The following SYNCRIP variants were observed in gnomAD, a reference collection of about 807,000 sequenced individuals.
The protein encoded by SYNCRIP is heterogeneous nuclear ribonucleoprotein Q.
Under a neutral mutation model 68.9 loss-of-function variants are expected in SYNCRIP, and 9 were observed. The observed-to-expected ratio is 0.13, with a 90% confidence interval of 0.08 to 0.23. The LOEUF (loss-of-function observed/expected upper bound fraction) is 0.23. SYNCRIP is among the 10% of genes least tolerant of loss of function. The pLI is 1.00. For missense variants in SYNCRIP, 414 were observed against 770.6 expected (o/e 0.54, Z 5.48); for synonymous variants, 258 against 254.0 (o/e 1.02, Z -0.15).
At position 85,640,323 on chromosome 6, in the gene SYNCRIP, T is replaced by C. The variant is rs1291906153; in HGVS notation, c.273A>G (p.Lys91=). ...KDSDLSHVQN[K]SAFLCGVMKT... ...TCATGACTCCACATAAAAAGGCACT[T>C]TTGTTCTGCAAAAAAATGTTCCATT... Residue 91 remains lysine, a synonymous_variant, in exon 4 of 11, where the codon AAA becomes AAG. Coordinates refer to ENST00000369622, the MANE Select transcript of SYNCRIP (RefSeq NM_006372.5). 2 of 1,612,696 alleles carry C rather than the reference T, an allele frequency of 1.2e-6. No homozygotes were observed. The highest frequency in any genetic ancestry group is 2.7e-5 in the African/African-American group (2 of 74,852).
chr6:85,626,070 T>C (rs1483474188), intron 6 of SYNCRIP, among the ~76,000 whole-genome samples: 1 of 152,242 alleles, frequency 6.6e-6, no homozygotes, highest in Non-Finnish European at 1.5e-5. Context: ...CCATATACTT[T>C]GTTTTCTCAT....
Position 85,614,617 on chromosome 6 carries a change from G to C in SYNCRIP, c.*139C>G, listed in dbSNP as rs1054043777. On this transcript the variant is annotated 3_prime_UTR_variant, in exon 11 of 11. Transcript: ENST00000369622. ...AGCAGTTAGAAGTGTGGCTTTGTTC[G>C]TGTCCAAGCGGATTGTTAAAATATA... 2.3e-6 allele frequency: 3 copies of C among 1,316,812 alleles called. No individual in the cohort carries two copies. The highest frequency in any genetic ancestry group is 3.7e-5 in the Admixed American group (1 of 26,880). 81.6% of individuals were successfully genotyped at this position (1,316,812 alleles called of 1,614,324 possible).
intron 6 of SYNCRIP, among the ~76,000 whole-genome samples, chr6:85,630,352 C>A (rs1477458963): frequency 1.3e-5 from 2 of 152,156 alleles, no homozygotes; most frequent in Admixed American, 6.5e-5. Flanking sequence ...CAGAGCGAGA[C>A]TCCATCTCAA....
chr6:85,614,598 TAG>T lies in SYNCRIP; in HGVS notation c.*156_*157del. On this transcript the variant is annotated 3_prime_UTR_variant, in exon 11 of 11. Coordinates refer to ENST00000369622, the MANE Select transcript of SYNCRIP (RefSeq NM_006372.5). ...ATAAAATCAGTTCGCCAGAAGCAGTTAGAAGTGTGGCTTTGTTCGTGTCCAAG... is the reference window on the plus strand; with the variant it reads ...ATAAAATCAGTTCGCCAGAAGCAGTTAAGTGTGGCTTTGTTCGTGTCCAAG... The T allele has an allele frequency of 7.7e-7, 1 of 1,304,804 alleles. No individual in the cohort carries two copies. Among genetic ancestry groups the T allele is most frequent in the Non-Finnish European group, 9.7e-7 (1 of 1,027,636 alleles). 80.8% of individuals were successfully genotyped at this position (1,304,804 alleles called of 1,614,324 possible). A position where few individuals can be genotyped will look rare whatever the true frequency, so the allele number is the denominator to read the frequency against.
chr6:85,619,408 G>A lies in SYNCRIP; in HGVS notation c.1018C>T (p.Leu340=). The change falls in exon 9 of 11, where the codon CTG becomes TTG. Residue 340 remains leucine, a synonymous_variant. Transcript: ENST00000369622. ...GTATTGGCAAGGTTGCGTACAAACA[G>A]CACTTTTACCTAGGGGGAAGAAAAT... is the stretch of plus-strand genomic sequence containing the variant. ...DPEVMAKVKV[L]FVRNLANTVT... 1 of 1,611,644 alleles carries A rather than the reference G, an allele frequency of 6.2e-7. No individual in the cohort carries two copies. The highest frequency in any genetic ancestry group is 8.5e-7 in the Non-Finnish European group (1 of 1,179,554).
chr6:85,627,424 A>G (rs1807186266), intron 6 of SYNCRIP, among the ~76,000 whole-genome samples: 1 of 152,128 alleles, frequency 6.6e-6, no homozygotes, highest in South Asian at 2.1e-4. Context: ...ACATTTCCGG[A>G]AGCAACACCC....
At chr6:85,632,321 G>A (rs1258717101) in intron 6 of SYNCRIP, among the ~76,000 whole-genome samples, 2 of 152,188 alleles carry the variant, frequency 1.3e-5, no homozygotes, top group African/African-American at 4.8e-5. Flanking sequence ...AAGGAGGCAT[G>A]AGGCACTTTC....
chr6:85,620,921 T>A (rs1806308799), intron 8 of SYNCRIP, among the ~76,000 whole-genome samples: 1 of 151,976 alleles, frequency 6.6e-6, no homozygotes, highest in Admixed American at 6.6e-5. Context: ...TCTAAGAGAG[T>A]TATTGAATGT....
Position 85,614,102 on chromosome 6 carries a change from A to T in SYNCRIP, c.*654T>A. The T allele has an allele frequency of 1.0e-6, 1 of 985,924 alleles. No individual in the cohort carries two copies. The highest frequency in any genetic ancestry group is 1.2e-6 in the Non-Finnish European group (1 of 829,944). 61.1% of individuals were successfully genotyped at this position (985,924 alleles called of 1,614,324 possible). ...GTAATGTGCAGACATATTCCACACA[A>T]GAATTAACAAGGCACAAAACCCTTT... On this transcript the variant is annotated 3_prime_UTR_variant, in exon 11 of 11. Coordinates refer to ENST00000369622, the MANE Select transcript of SYNCRIP (RefSeq NM_006372.5).
downstream of SYNCRIP, chr6:85,611,252 A>G (rs1805215600): frequency 6.6e-6 from 1 of 152,340 alleles, no homozygotes; most frequent in African/African-American, 2.4e-5. Flanking sequence ...ACTAACACAC[A>G]TTTATATTAA....
intron 6 of SYNCRIP, among the ~76,000 whole-genome samples, chr6:85,630,111 C>T (rs1807556475): frequency 6.6e-6 from 1 of 152,106 alleles, no homozygotes; most frequent in Non-Finnish European, 1.5e-5. Context: ...TCTGTAATCC[C>T]AGCACTTTGG....
chr6:85,610,576 TCTTA>T (rs1446209108), downstream of SYNCRIP: 2 of 152,034 alleles, frequency 1.3e-5, no homozygotes, highest in African/African-American at 2.4e-5. Flanking sequence ...ACAATGCAGT[TCTTA>T]CTTTAAGTAA....
rs112446070 is a variant in SYNCRIP, at chr6:85,615,947, A to C, written c.1281-600T>G. Among the ~76,000 whole-genome samples the C allele has an allele frequency of 6.9e-3, 1,045 of 152,384 alleles. 14 individuals are homozygous for C. Among genetic ancestry groups the C allele is most frequent in the African/African-American group, 0.024 (994 of 41,594 alleles). ...ATGTGTGAAGTTCAAAGTTTACTAC[A>C]GTAAATTAGCATAAAGACCTTAAAG... On this transcript the variant is annotated intron_variant, in intron 10 of 10. Coordinates refer to ENST00000369622, the MANE Select transcript of SYNCRIP (RefSeq NM_006372.5).
chr6:85,641,550 C>G (rs981116213), intron 1 of SYNCRIP, 99 bp from the exon 2 acceptor site: 1 of 1,228,726 alleles, frequency 8.1e-7, no homozygotes, highest in African/African-American at 1.5e-5. Flanking sequence ...TTTACTACAC[C>G]AGCTAGCCTA....
Position 85,630,842 on chromosome 6 carries a change from G to A in SYNCRIP, c.666+6125C>T, listed in dbSNP as rs114594953. Among the ~76,000 whole-genome samples the A allele has an allele frequency of 1.1e-3, 172 of 152,280 alleles. 3 individuals are homozygous for A. Among genetic ancestry groups the A allele is most frequent in the African/African-American group, 4.0e-3 (166 of 41,544 alleles). On this transcript the variant is annotated intron_variant, in intron 6 of 10. Transcript: ENST00000369622. The stretch of plus-strand genomic sequence containing the variant: ...ATATATACATATTCTAATGGGAAAA[G>A]ACATGTAAATAATTTACAAAGTCAA...
At chr6:85,627,358 G>T (rs1029086083) in intron 6 of SYNCRIP, among the ~76,000 whole-genome samples, 3 of 151,436 alleles carry the variant, frequency 2.0e-5, no homozygotes, top group Non-Finnish European at 4.4e-5. Context: ...GTCATTAAGC[G>T]AACAAAGTAA....
intron 4 of SYNCRIP, among the ~76,000 whole-genome samples, chr6:85,638,644 A>C (rs1808764582): frequency 6.6e-6 from 1 of 152,174 alleles, no homozygotes; most frequent in Non-Finnish European, 1.5e-5. Flanking sequence ...TTCTACTCAA[A>C]GGACACTAAC....
chr6:85,641,579 C>G (rs1348232740), intron 1 of SYNCRIP, 128 bp from the exon 2 acceptor site: 11 of 913,004 alleles, frequency 1.2e-5, no homozygotes, highest in African/African-American at 1.7e-5. Flanking sequence ...TTTAAAAAAG[C>G]CTTACAGTCA....
chr6:85,617,444 G>A (rs1805906056), intron 10 of SYNCRIP, among the ~76,000 whole-genome samples: 1 of 152,024 alleles, frequency 6.6e-6, no homozygotes, highest in Non-Finnish European at 1.5e-5. Context: ...ATAAAAAGAA[G>A]TTATTTTACA....
Sources: gnomAD v4.1 joint callset for allele counts (sites outside exome capture counted in the v4.1 genomes callset) on GRCh38, gnomAD v4.1.1 for gene constraint, MANE v1.5 for transcripts, NCBI Gene and HGNC (gene_info 2026-07-23, HGNC 2026-07-21) for gene names.